The following SGCD variants were observed in gnomAD, a reference collection of about 807,000 sequenced individuals.
SGCD encodes delta-sarcoglycan.
Under a neutral mutation model 36.6 loss-of-function variants are expected in SGCD, and 18 were observed. The ratio of observed to expected loss-of-function variants is 0.49; its 90% CI spans 0.34 to 0.73. SGCD has a LOEUF of 0.73. SGCD is among the 30% of genes least tolerant of loss of function. The probability of loss-of-function intolerance (pLI) is 0.01; values close to 1 mark genes in which losing one functional copy is unlikely to be tolerated. For synonymous variants in SGCD, 133 were observed against 130.6 expected, an observed-to-expected ratio of 1.02 and a Z score of -0.12; for missense variants, 387 against 346.7, an observed-to-expected ratio of 1.12 and a Z score of -0.92.
chr5:155,743,685 G>A, the SGCD span, among the ~76,000 whole-genome samples: 1 of 152,164 alleles, frequency 6.6e-6, no homozygotes. Context: ...GCTAGGCCTG[G>A]AGCAAGTAAA....
At chr5:155,795,218 A>T in the SGCD span, among the ~76,000 whole-genome samples, 29 of 152,166 alleles carry the variant, frequency 1.9e-4, no homozygotes, top group African/African-American at 7.0e-4. Context: ...AGATGCAGGA[A>T]TAAATAGAAT....
intron 3 of SGCD, among the ~76,000 whole-genome samples, chr5:156,457,172 G>T (rs1447681873): frequency 6.6e-6 from 1 of 152,168 alleles, no homozygotes. Context: ...CTTCAAAATA[G>T]TAAGGGTTTC....
the SGCD span, among the ~76,000 whole-genome samples, chr5:155,753,334 T>TCAAAAAAAAAAAAAAAAAAA: frequency 2.8e-4 from 38 of 135,894 alleles, 6 homozygotes; most frequent in African/African-American, 1.2e-3. Flanking sequence ...AGACTTTGTC[T>TCAAAAAAAAAAAAAAAAAAA]AAAAAAAAAA....
chr5:156,743,404 G>A (rs1047039564), intron 7 of SGCD, among the ~76,000 whole-genome samples: 12 of 152,100 alleles, frequency 7.9e-5, no homozygotes, highest in Non-Finnish European at 1.0e-4. Flanking sequence ...GAACCACCGC[G>A]CCCAGCCTTG....
chr5:156,550,509 C>G (rs1319500510), intron 4 of SGCD, among the ~76,000 whole-genome samples: 1 of 152,196 alleles, frequency 6.6e-6, no homozygotes, highest in Non-Finnish European at 1.5e-5. Context: ...CCAGTAAGAG[C>G]TAACTTTATG....
At position 156,126,034 on chromosome 5, in the gene SGCD, C is replaced by T. The variant is rs190334379; in HGVS notation, c.-44+2015C>T. Reference sequence around the variant, plus strand: ...CTGGGATTGCAGGCGCCTGCCACCACGCCTGGCTAATATGTTTGTATTTTT... The same window carrying T: ...CTGGGATTGCAGGCGCCTGCCACCATGCCTGGCTAATATGTTTGTATTTTT... On this transcript the variant is annotated intron_variant, in intron 3 of 9. Coordinates refer to the SGCD transcript ENST00000517913. Among the ~76,000 whole-genome samples the T allele has an allele frequency of 2.0e-3, 298 of 151,836 alleles. 2 individuals carry two copies. The highest frequency in any genetic ancestry group is 6.8e-3 in the African/African-American group (280 of 41,392).
intron 3 of SGCD, among the ~76,000 whole-genome samples, chr5:156,463,687 G>A (rs931886188): frequency 1.3e-5 from 2 of 152,080 alleles, no homozygotes; most frequent in African/African-American, 4.8e-5. Context: ...CACTCCAGAT[G>A]GGTGTGATAA....
At chr5:155,904,564 C>T (rs952223085) in intron 1 of SGCD, among the ~76,000 whole-genome samples, 9 of 151,994 alleles carry the variant, frequency 5.9e-5, no homozygotes, top group South Asian at 4.1e-4. Context: ...AGAATAATTA[C>T]GCCCTAAATG....
the SGCD span, among the ~76,000 whole-genome samples, chr5:155,757,961 A>G: frequency 6.6e-5 from 10 of 152,056 alleles, no homozygotes; most frequent in African/African-American, 2.4e-4. Context: ...GCCTGCCACC[A>G]TCCGTGTAAT....
At chr5:156,087,962 G>A (rs1561714702) in intron 1 of SGCD, among the ~76,000 whole-genome samples, 1 of 152,306 alleles carries the variant, frequency 6.6e-6, no homozygotes, top group East Asian at 1.9e-4. Flanking sequence ...CCATCCTGAT[G>A]ATAGCCAGGT....
chr5:155,752,537 C>T, the SGCD span, among the ~76,000 whole-genome samples: 2 of 152,168 alleles, frequency 1.3e-5, no homozygotes, highest in African/African-American at 4.8e-5. Flanking sequence ...TTTAACTCTC[C>T]ACTCTTTTGT....
chr5:155,845,646 G>T, the SGCD span: 1 of 152,118 alleles, frequency 6.6e-6, no homozygotes, highest in East Asian at 1.9e-4. Context: ...ACCATCAGCT[G>T]GAAATAAAGC....
At chr5:155,947,858 A>G (rs1757470231) in intron 1 of SGCD, among the ~76,000 whole-genome samples, 1 of 152,114 alleles carries the variant, frequency 6.6e-6, no homozygotes, top group African/African-American at 2.4e-5. Context: ...TTCAGAGTTT[A>G]CAAGCTTATA....
intron 7 of SGCD, among the ~76,000 whole-genome samples, chr5:156,730,879 C>G (rs1380006018): frequency 6.6e-6 from 1 of 152,082 alleles, no homozygotes; most frequent in Non-Finnish European, 1.5e-5. Context: ...ATAAGCATTC[C>G]TTTTTCTCCA....
At chr5:156,247,233 G>A (rs963672621) in intron 3 of SGCD, among the ~76,000 whole-genome samples, 6 of 152,098 alleles carry the variant, frequency 3.9e-5, no homozygotes, top group African/African-American at 1.4e-4. Flanking sequence ...GATTCTGCGG[G>A]GGCTTAATCA....
At chr5:156,504,408 A>G (rs928434708) in intron 3 of SGCD, among the ~76,000 whole-genome samples, 16 of 103,732 alleles carry the variant, frequency 1.5e-4, no homozygotes, top group Non-Finnish European at 2.8e-4. Context: ...ATATATATAT[A>G]TATATATATA....
At chr5:156,004,443 C>T (rs186866159) in intron 1 of SGCD, among the ~76,000 whole-genome samples, 93 of 152,128 alleles carry the variant, frequency 6.1e-4, no homozygotes, top group African/African-American at 2.1e-3. Context: ...AGGTGTTTTC[C>T]ATATATTGTT....
intron 3 of SGCD, among the ~76,000 whole-genome samples, chr5:156,216,755 T>A (rs893136066): frequency 3.9e-5 from 6 of 152,174 alleles, no homozygotes; most frequent in Non-Finnish European, 5.9e-5. Context: ...CTAAATAATA[T>A]ACATTTTGAA....
intron 3 of SGCD, among the ~76,000 whole-genome samples, chr5:156,473,323 C>T (rs981840334): frequency 2.0e-5 from 3 of 152,130 alleles, no homozygotes; most frequent in Admixed American, 1.3e-4. Context: ...ACAAAACTAT[C>T]ATACGTTGCA....
Sources: gnomAD v4.1 joint callset for allele counts (sites outside exome capture counted in the v4.1 genomes callset) on GRCh38, gnomAD v4.1.1 for gene constraint, MANE v1.5 for transcripts, NCBI Gene and HGNC (gene_info 2026-07-23, HGNC 2026-07-21) for gene names.